Variants in COL4A4 observed in about 807,000 individuals in gnomAD.
COL4A4 encodes collagen alpha-4(IV) chain.
A neutral mutation model predicts 192.9 loss-of-function variants in COL4A4; 105 were observed. That is an observed-to-expected ratio of 0.54 (90% CI 0.46 to 0.64). COL4A4 has a LOEUF of 0.64. Among genes scored for constraint, COL4A4 ranks in the 30% least tolerant of loss-of-function variants. COL4A4 has a pLI of 0.00. For synonymous variants in COL4A4, 762 were observed against 769.9 expected (o/e 0.99, Z 0.17); for missense variants, 1,967 against 2,169.3 (o/e 0.91, Z 1.85).
chr2:227,053,535 TTC>T (rs1350249791), intron 31 of COL4A4, among the ~76,000 whole-genome samples: 9 of 138,356 alleles, frequency 6.5e-5, no homozygotes, highest in Non-Finnish European at 9.1e-5. Flanking sequence ...AAACATTTTT[TTC>T]TTTTTCTTTT....
chr2:227,021,370 G>T (rs114010162), intron 44 of COL4A4, among the ~76,000 whole-genome samples: 10 of 151,734 alleles, frequency 6.6e-5, no homozygotes, highest in African/African-American at 1.9e-4. Context: ...CTCTGTTTCC[G>T]CTCCACCAAG....
At chr2:227,032,930 C>T (rs982976458) in intron 38 of COL4A4, among the ~76,000 whole-genome samples, 4 of 152,178 alleles carry the variant, frequency 2.6e-5, no homozygotes, top group African/African-American at 9.7e-5. Flanking sequence ...ACAAGATACA[C>T]TTGTCAAAGA....
At chr2:227,016,886 C>A (rs902451489) in intron 44 of COL4A4, among the ~76,000 whole-genome samples, 3 of 152,136 alleles carry the variant, frequency 2.0e-5, no homozygotes, top group African/African-American at 7.2e-5. Context: ...AGGAAACATC[C>A]CCGCCTCCCC....
intron 14 of COL4A4, 118 bp from the exon 15 acceptor site, chr2:227,102,966 G>T: frequency 3.3e-6 from 4 of 1,207,338 alleles, no homozygotes; most frequent in Non-Finnish European, 4.9e-6. Context: ...ATTGTCAGCA[G>T]CTTAAAGAAA....
intron 15 of COL4A4, 139 bp downstream of exon 15, chr2:227,102,650 T>C: frequency 1.3e-6 from 1 of 759,564 alleles, no homozygotes; most frequent in South Asian, 1.5e-5. Flanking sequence ...AGATATTCCA[T>C]AATTCTCGTC....
rs1198232838 is a variant in COL4A4, at chr2:227,003,599, A to G, written c.*3726T>C. 6.6e-6 allele frequency: 1 copy of G among 152,244 alleles called. No individual in the cohort carries two copies. Among genetic ancestry groups the G allele is most frequent in the African/African-American group, 2.4e-5 (1 of 41,454 alleles). The allele number at this position is 152,244 out of a possible 1,614,324, so 9.4% of individuals were successfully genotyped here. On this transcript the variant is annotated 3_prime_UTR_variant, in exon 48 of 48. Coordinates refer to ENST00000396625, the MANE Select transcript of COL4A4 (RefSeq NM_000092.5). ...TGAATGGTTTGCTTTACTGTAATCT[A>G]CACGAGGTTCAAAATAAGATGATAA...
intron 32 of COL4A4, 98 bp downstream of exon 32, chr2:227,052,206 CT>C: frequency 2.7e-6 from 2 of 743,130 alleles, no homozygotes; most frequent in Non-Finnish European, 4.7e-6. Context: ...AAAAAAAAGT[CT>C]TTTCTAATCT....
At chr2:227,046,491 G>A (rs989499955) in intron 35 of COL4A4, among the ~76,000 whole-genome samples, 2 of 151,870 alleles carry the variant, frequency 1.3e-5, no homozygotes, top group East Asian at 1.9e-4. Context: ...TTCAAACAAC[G>A]CATATTCCTG....
At chr2:227,147,042 C>A (rs1311139829) in intron 2 of COL4A4, among the ~76,000 whole-genome samples, 1 of 152,148 alleles carries the variant, frequency 6.6e-6, no homozygotes, top group Non-Finnish European at 1.5e-5. Context: ...ACGTGGACAT[C>A]TGTGGAGGGC....
At chr2:227,074,870 G>A (rs1278171483) in intron 25 of COL4A4, among the ~76,000 whole-genome samples, 1 of 152,098 alleles carries the variant, frequency 6.6e-6, no homozygotes, top group Non-Finnish European at 1.5e-5. Context: ...AAAGGCATAA[G>A]AGTGATATAA....
At chr2:227,149,769 GTGT>G (rs1263868546) in intron 1 of COL4A4, among the ~76,000 whole-genome samples, 1 of 152,182 alleles carries the variant, frequency 6.6e-6, no homozygotes, top group African/African-American at 2.4e-5. Context: ...TTAAAATAGA[GTGT>G]TGTTGTGGTC....
intron 4 of COL4A4, among the ~76,000 whole-genome samples, chr2:227,122,520 G>T (rs1010673367): frequency 6.6e-6 from 1 of 152,176 alleles, no homozygotes; most frequent in Non-Finnish European, 1.5e-5. Context: ...CCTTGGGAAT[G>T]CAGGGCCCTG....
chr2:227,103,832 G>A, intron 13 of COL4A4, 140 bp downstream of exon 13: 1 of 719,992 alleles, frequency 1.4e-6, no homozygotes, highest in Non-Finnish European at 2.5e-6. Context: ...GGGGCCAACA[G>A]TAGTACCAAC....
the COL4A4 span, among the ~76,000 whole-genome samples, chr2:226,984,123 C>T: frequency 1.3e-5 from 2 of 152,246 alleles, no homozygotes; most frequent in Non-Finnish European, 2.9e-5. Flanking sequence ...GAAAGCACAT[C>T]TGTTCACCGC....
At chr2:227,026,616 G>T (rs149738898) in intron 42 of COL4A4, among the ~76,000 whole-genome samples, 1 of 152,074 alleles carries the variant, frequency 6.6e-6, no homozygotes, top group Non-Finnish European at 1.5e-5. Context: ...AGGATACTGC[G>T]AAATATTCTG....
chr2:227,030,383 A>G, intron 41 of COL4A4, 60 bp downstream of exon 41: 1 of 1,562,914 alleles, frequency 6.4e-7, no homozygotes, highest in Non-Finnish European at 8.8e-7. Flanking sequence ...AGTACCCCAG[A>G]CCCTCAAGGG....
intron 12 of COL4A4, 123 bp downstream of exon 12, chr2:227,108,458 T>C (rs2060986510): frequency 3.2e-6 from 3 of 931,648 alleles, no homozygotes; most frequent in East Asian, 2.4e-5. Flanking sequence ...AGAAAAGTTC[T>C]CAGCCATAAA....
At position 227,144,508 on chromosome 2, in the gene COL4A4, G is replaced by A. The variant is rs762128454; in HGVS notation, c.114+8C>T. 6.2e-7 allele frequency: 1 copy of A among 1,607,696 alleles called. No individual in the cohort carries two copies. Reference sequence around the variant, plus strand: ...CACAACGCAACCAGAGCTAGTGAATGTACTTACCCCATATACATATTGTAC... The same window carrying A: ...CACAACGCAACCAGAGCTAGTGAATATACTTACCCCATATACATATTGTAC... On this transcript the variant is annotated splice_region_variant and intron_variant, in intron 3 of 47. Transcript: ENST00000396625.
At chr2:226,986,977 C>T in the COL4A4 span, among the ~76,000 whole-genome samples, 1 of 152,200 alleles carries the variant, frequency 6.6e-6, no homozygotes, top group Non-Finnish European at 1.5e-5. Context: ...CACATGTACA[C>T]CATGGAATAC....
Sources: gnomAD v4.1 joint callset for allele counts (sites outside exome capture counted in the v4.1 genomes callset) on GRCh38, gnomAD v4.1.1 for gene constraint, MANE v1.5 for transcripts, NCBI Gene and HGNC (gene_info 2026-07-23, HGNC 2026-07-21) for gene names.